Variants in RAD51B observed in about 807,000 individuals in gnomAD.
RAD51B encodes the protein RAD51 paralog B.
In RAD51B, 38 loss-of-function variants were observed where a neutral mutation model predicts 42.2. The ratio of observed to expected loss-of-function variants is 0.90; its 90% CI spans 0.70 to 1.18. The LOEUF (loss-of-function observed/expected upper bound fraction) is 1.18. Ranked by LOEUF, RAD51B falls within the 50% of genes most tolerant of loss-of-function variation. The probability of loss-of-function intolerance (pLI) is 0.00; values close to 1 mark genes in which losing one functional copy is unlikely to be tolerated. For missense variants in RAD51B, 373 were observed against 400.7 expected (o/e 0.93, Z 0.59); for synonymous variants, 154 against 145.2 (o/e 1.06, Z -0.43).
chr14:68,258,766 C>T (rs1306707118), intron 7 of RAD51B, among the ~76,000 whole-genome samples: 1 of 152,120 alleles, frequency 6.6e-6, no homozygotes, highest in Admixed American at 6.5e-5. Context: ...TACTAGAGAG[C>T]ATTATTCTTC....
intron 9 of RAD51B, among the ~76,000 whole-genome samples, chr14:68,429,960 A>G (rs891625394): frequency 3.9e-5 from 6 of 152,176 alleles, no homozygotes; most frequent in Non-Finnish European, 7.3e-5. Context: ...TCAGCTTTCT[A>G]CATATGGCCA....
intron 7 of RAD51B, among the ~76,000 whole-genome samples, chr14:68,181,187 A>G (rs889381744): frequency 1.3e-5 from 2 of 152,216 alleles, no homozygotes; most frequent in African/African-American, 4.8e-5. Flanking sequence ...ATCAAGATGA[A>G]GGTGTATTTA....
intron 7 of RAD51B, among the ~76,000 whole-genome samples, chr14:68,242,764 G>A (rs188591376): frequency 1.4e-3 from 218 of 152,262 alleles, no homozygotes; most frequent in African/African-American, 5.0e-3. Flanking sequence ...ACCACATGAG[G>A]AAGATATTAT....
intron 7 of RAD51B, among the ~76,000 whole-genome samples, chr14:67,933,703 C>G (rs1047647088): frequency 6.6e-6 from 1 of 152,166 alleles, no homozygotes; most frequent in Non-Finnish European, 1.5e-5. Flanking sequence ...TTTCCTGTGA[C>G]TAGATCCTGT....
Position 68,555,047 on chromosome 14 carries a change from T to C in RAD51B, c.1037-39438T>C, listed in dbSNP as rs1398233495. On this transcript the variant is annotated intron_variant, in intron 10 of 10. Coordinates refer to the RAD51B transcript ENST00000487270. ...ATTTTTAGTAGAGACAAAGTTTCAC[T>C]ATGTTGGCCAGGCTAGTCTCCAACT... 2.6e-5 allele frequency among the ~76,000 whole-genome samples: 4 copies of C among 152,042 alleles called. No individual in the cohort carries two copies. In the East Asian group the frequency reaches 5.8e-4, roughly 22 times the overall value.
intron 4 of RAD51B, among the ~76,000 whole-genome samples, chr14:67,850,653 G>A (rs1041778067): frequency 6.6e-6 from 1 of 151,794 alleles, no homozygotes; most frequent in East Asian, 1.9e-4. Flanking sequence ...CCTATTTTAC[G>A]GGAGTGCTGG....
At chr14:68,610,104 C>T (rs1360527084) in intron 10 of RAD51B, among the ~76,000 whole-genome samples, 3 of 152,190 alleles carry the variant, frequency 2.0e-5, no homozygotes, top group Admixed American at 2.0e-4. Context: ...TCTGCTTAGA[C>T]ACCCTGCAGA....
intron 7 of RAD51B, among the ~76,000 whole-genome samples, chr14:68,126,496 A>G (rs1357932952): frequency 3.3e-5 from 5 of 152,194 alleles, no homozygotes; most frequent in African/African-American, 1.2e-4. Context: ...ACTGCATAAA[A>G]CTATAGCCCC....
At chr14:68,279,137 T>C (rs1433545436) in intron 7 of RAD51B, among the ~76,000 whole-genome samples, 1 of 152,216 alleles carries the variant, frequency 6.6e-6, no homozygotes. Flanking sequence ...ATTGACTTAT[T>C]TGACTGGATT....
intron 10 of RAD51B, among the ~76,000 whole-genome samples, chr14:68,494,619 G>A (rs1218019541): frequency 6.6e-6 from 1 of 152,064 alleles, no homozygotes. Flanking sequence ...TGCCTTTGAT[G>A]ATCTTTGTTT....
chr14:68,389,160 A>G (rs1042991324), intron 8 of RAD51B, among the ~76,000 whole-genome samples: 1 of 152,162 alleles, frequency 6.6e-6, no homozygotes. Context: ...AAGTGTGTAC[A>G]TCGTAGTGTA....
chr14:68,109,330 C>T (rs8007347), intron 7 of RAD51B, among the ~76,000 whole-genome samples: 12,710 of 151,904 alleles, frequency 0.084, 1,575 homozygotes, highest in African/African-American at 0.27. Flanking sequence ...GTGAGACCAG[C>T]TTATGGTATG....
intron 7 of RAD51B, among the ~76,000 whole-genome samples, chr14:68,285,952 C>G (rs187227049): frequency 6.6e-6 from 1 of 152,310 alleles, no homozygotes; most frequent in Non-Finnish European, 1.5e-5. Flanking sequence ...AGCCATTGAC[C>G]TACTTGATTT....
At chr14:68,306,033 G>A (rs1372380439) in intron 8 of RAD51B, among the ~76,000 whole-genome samples, 3 of 152,162 alleles carry the variant, frequency 2.0e-5, no homozygotes, top group Non-Finnish European at 4.4e-5. Flanking sequence ...TTCTTGTGCT[G>A]ATCATCTTGG....
chr14:67,864,003 G>A (rs1249499204), intron 4 of RAD51B, among the ~76,000 whole-genome samples: 13 of 151,590 alleles, frequency 8.6e-5, no homozygotes, highest in African/African-American at 1.2e-4. Flanking sequence ...TTACTATGGC[G>A]GAACAGGAGA....
chr14:68,018,797 C>G (rs2075818758), intron 7 of RAD51B, among the ~76,000 whole-genome samples: 3 of 152,136 alleles, frequency 2.0e-5, no homozygotes, highest in African/African-American at 7.2e-5. Flanking sequence ...GATTTTGAGT[C>G]ATAGACTTGT....
At chr14:68,473,603 A>T (rs1206905811) in intron 10 of RAD51B, among the ~76,000 whole-genome samples, 1 of 152,148 alleles carries the variant, frequency 6.6e-6, no homozygotes, top group Non-Finnish European at 1.5e-5. Flanking sequence ...ATATTTTATA[A>T]TATATGAAAA....
chr14:68,038,186 CT>C (rs2076163080), intron 7 of RAD51B, among the ~76,000 whole-genome samples: 1 of 152,210 alleles, frequency 6.6e-6, no homozygotes, highest in African/African-American at 2.4e-5. Context: ...TTTGGATTTG[CT>C]TATAATTTCC....
At chr14:68,281,527 C>G (rs2081319165) in intron 7 of RAD51B, among the ~76,000 whole-genome samples, 3 of 152,128 alleles carry the variant, frequency 2.0e-5, no homozygotes, top group Admixed American at 2.0e-4. Flanking sequence ...GAGCTGGAAG[C>G]CCAGGGGATC....
Sources: allele counts gnomAD v4.1 joint callset (sites outside exome capture counted in the v4.1 genomes callset), GRCh38; gene constraint gnomAD v4.1.1; transcripts MANE v1.5; gene names NCBI Gene and HGNC (gene_info 2026-07-23, HGNC 2026-07-21).